LONP2: variants seen among roughly 807,000 people sequenced by gnomAD.
LONP2 encodes lon peptidase 2, peroxisomal.
LONP2 carries 60 observed loss-of-function variants against 85.6 expected under a neutral mutation model. That is an observed-to-expected ratio of 0.70 (90% CI 0.57 to 0.87). The LOEUF is 0.87. LONP2 is among the 40% of genes least tolerant of loss of function. The pLI is 0.00. For synonymous variants in LONP2, 395 were observed against 389.7 expected (o/e 1.01, Z -0.16); for missense variants, 860 against 1,063.5 (o/e 0.81, Z 2.66).
In LONP2 at chr16:48,362,764, G is replaced by C; in HGVS notation, c.*901G>C. 1 of 230,588 alleles carries C rather than the reference G, an allele frequency of 4.3e-6. No homozygotes were observed. Among genetic ancestry groups the C allele is most frequent in the African/African-American group, 2.4e-5 (1 of 42,204 alleles). 14.3% of individuals were successfully genotyped at this position (230,588 alleles called of 1,614,324 possible). On this transcript the variant is annotated 3_prime_UTR_variant, in exon 5 of 5. Coordinates refer to the LONP2 transcript ENST00000565867. This position sits in a 1 kb window ranked among gnomAD's most constrained non-coding sequence, Gnocchi z 4.2. Reference sequence around the variant, plus strand: ...AACTAAAGAAACTATACAAGGAACTGAAGTTTAATCGAATCCGTTTTGCTA... The same window carrying C: ...AACTAAAGAAACTATACAAGGAACTCAAGTTTAATCGAATCCGTTTTGCTA...
In LONP2 at chr16:48,253,341, G is replaced by A. The variant is rs182616343; in HGVS notation, c.468+976G>A. On this transcript the variant is annotated intron_variant, in intron 2 of 14. Transcript: ENST00000285737. ...AAAAATTAGCCGAGTGTGATGGTGC[G>A]TGCCTGTAGTCCCAGCTACTGGGGA... Among the ~76,000 whole-genome samples, 331 of 151,804 alleles carry A rather than the reference G, an allele frequency of 2.2e-3. 1 individual carries two copies. Among genetic ancestry groups the A allele is most frequent in the Admixed American group, 6.3e-3 (96 of 15,244 alleles).
rs903602832 is a variant in LONP2, at chr16:48,349,562, T to A, written c.2337+1272T>A. Reference sequence around the variant, plus strand: ...GAGAGACAGCCACAGCGGCCTGGGGTACACCTTCAGCTCCAGACCATTACA... The same window carrying A: ...GAGAGACAGCCACAGCGGCCTGGGGAACACCTTCAGCTCCAGACCATTACA... On this transcript the variant is annotated intron_variant, in intron 14 of 14. Coordinates refer to ENST00000285737, the MANE Select transcript of LONP2 (RefSeq NM_031490.5). Among the ~76,000 whole-genome samples, 10 of 152,054 alleles carry A rather than the reference T, an allele frequency of 6.6e-5. No homozygotes were observed. The South Asian group carries it at 2.1e-3, about 32-fold the overall frequency.
At chr16:48,287,312 A>G (rs1972465623) in intron 8 of LONP2, among the ~76,000 whole-genome samples, 1 of 152,180 alleles carries the variant, frequency 6.6e-6, no homozygotes, top group Non-Finnish European at 1.5e-5. Context: ...GAAATTTTGG[A>G]TTCTCAGGCA....
At chr16:48,290,716 A>G (rs1224093914) in intron 8 of LONP2, among the ~76,000 whole-genome samples, 1 of 152,194 alleles carries the variant, frequency 6.6e-6, no homozygotes, top group Non-Finnish European at 1.5e-5. Context: ...GTGTGCTCAA[A>G]TTCACCTTCC....
intron 1 of LONP2, among the ~76,000 whole-genome samples, chr16:48,247,811 A>G (rs1015643870): frequency 3.3e-5 from 5 of 152,116 alleles, no homozygotes; most frequent in African/African-American, 9.7e-5. Context: ...TCATTTCCTC[A>G]TAGTGCCGAC....
chr16:48,296,238 A>T, intron 9 of LONP2, 73 bp downstream of exon 9: 2 of 1,481,304 alleles, frequency 1.4e-6, no homozygotes, highest in Admixed American at 2.0e-5. Flanking sequence ...TATGCTATGG[A>T]GTTTTGACTA....
At chr16:48,360,895 A>T (rs1567365148), downstream of LONP2, 1 of 152,210 alleles carries the variant, frequency 6.6e-6, no homozygotes, top group Admixed American at 6.5e-5. Context: ...TCTGGAACTC[A>T]TGGCTTCACA....
In LONP2 at chr16:48,354,953, A is replaced by ATACTT. The variant is rs949706337; in HGVS notation, c.*3153_*3157dup. 9 of 152,232 alleles carry ATACTT rather than the reference A, an allele frequency of 5.9e-5. No individual in the cohort carries two copies. The highest frequency in any genetic ancestry group is 5.2e-4 in the Admixed American group (8 of 15,282). 9.4% of individuals were successfully genotyped at this position (152,232 alleles called of 1,614,324 possible). Reference sequence around the variant, plus strand: ...AAGGTGTTTTGTCAAACAAAAACTAATACTTTCCCTGGGAAAAAGCCATGT... The same window carrying ATACTT: ...AAGGTGTTTTGTCAAACAAAAACTAATACTTTACTTTCCCTGGGAAAAAGCCATGT... On this transcript the variant is annotated 3_prime_UTR_variant, in exon 15 of 15. Coordinates refer to ENST00000285737, the MANE Select transcript of LONP2 (RefSeq NM_031490.5).
At chr16:48,288,150 C>CTTTTTTT (rs1170612024) in intron 8 of LONP2, among the ~76,000 whole-genome samples, 12 of 121,526 alleles carry the variant, frequency 9.9e-5, no homozygotes, top group East Asian at 4.6e-4. Context: ...TAGTCTTCTT[C>CTTTTTTT]TTTTTTTTTT....
intron 11 of LONP2, among the ~76,000 whole-genome samples, chr16:48,325,280 C>T (rs1026659747): frequency 7.2e-5 from 11 of 152,204 alleles, no homozygotes; most frequent in Non-Finnish European, 1.5e-4. Context: ...CTCACCTCCT[C>T]CTGACAGGCC....
At chr16:48,286,949 T>A (rs545602487) in intron 8 of LONP2, among the ~76,000 whole-genome samples, 2 of 152,090 alleles carry the variant, frequency 1.3e-5, no homozygotes, top group South Asian at 4.1e-4. Context: ...ACCTTAAGGG[T>A]TTTTTGTTTG....
At chr16:48,330,683 G>T (rs1248619140) in intron 11 of LONP2, among the ~76,000 whole-genome samples, 1 of 152,312 alleles carries the variant, frequency 6.6e-6, no homozygotes, top group East Asian at 1.9e-4. Context: ...AGTCCAGGGG[G>T]TGACTCAGAA....
At chr16:48,334,586 T>C (rs1959581580) in intron 12 of LONP2, 1 of 666,844 alleles carries the variant, frequency 1.5e-6, no homozygotes, top group Non-Finnish European at 2.7e-6. Context: ...CTTCTTGCAG[T>C]TGTATTTCTG....
chr16:48,280,455 C>T (rs1972303105), intron 8 of LONP2, among the ~76,000 whole-genome samples: 2 of 152,154 alleles, frequency 1.3e-5, no homozygotes, highest in South Asian at 4.1e-4. Context: ...CCTATATATA[C>T]TTTGTAATGA....
intron 4 of LONP2, among the ~76,000 whole-genome samples, chr16:48,259,750 G>A (rs1971837252): frequency 6.6e-6 from 1 of 152,142 alleles, no homozygotes; most frequent in African/African-American, 2.4e-5. Context: ...AGTACTCCAG[G>A]ACACCATGCT....
chr16:48,244,375 G>A lies in LONP2; in HGVS notation c.-14G>A. ...GGCTCTTTTTGACAGCCCCCAGTGC[G>A]AAAGGCTGCCAGCATGTCATCAGTG... On this transcript the variant is annotated 5_prime_UTR_variant, in exon 1 of 15. Transcript: ENST00000285737. 2 of 1,524,436 alleles carry A rather than the reference G, an allele frequency of 1.3e-6. No homozygotes were observed. The highest frequency in any genetic ancestry group is 1.8e-6 in the Non-Finnish European group (2 of 1,138,022). The allele number at this position is 1,524,436 out of a possible 1,614,324, so 94.4% of individuals were successfully genotyped here. A position where few individuals can be genotyped will look rare whatever the true frequency, so the allele number is the denominator to read the frequency against.
At chr16:48,280,699 A>C (rs1186871894) in intron 8 of LONP2, among the ~76,000 whole-genome samples, 1 of 152,150 alleles carries the variant, frequency 6.6e-6, no homozygotes, top group Non-Finnish European at 1.5e-5. Flanking sequence ...TAAATGCTAT[A>C]AAATGAAGCA....
rs1263406499 is a variant in LONP2, at chr16:48,352,547, T to C, written c.*745T>C. 2.6e-5 allele frequency: 4 copies of C among 152,210 alleles called. No individual in the cohort carries two copies. The East Asian group carries it at 5.8e-4, about 22-fold the overall frequency. 9.4% of individuals were successfully genotyped at this position (152,210 alleles called of 1,614,324 possible). ...TTCTTGGGAAGCTGAGGCACAAGAA[T>C]TGCCTGAACCCAGGAGGTGGAGGTT... On this transcript the variant is annotated 3_prime_UTR_variant, in exon 15 of 15. Coordinates refer to ENST00000285737, the MANE Select transcript of LONP2 (RefSeq NM_031490.5).
chr16:48,245,608 C>T (rs1022261131), intron 1 of LONP2, among the ~76,000 whole-genome samples: 1 of 152,082 alleles, frequency 6.6e-6, no homozygotes, highest in Non-Finnish European at 1.5e-5. Context: ...GCCCCTCCGT[C>T]CCAGGGAAAC....
Sources: allele counts gnomAD v4.1 joint callset (sites outside exome capture counted in the v4.1 genomes callset), GRCh38; gene constraint gnomAD v4.1.1; non-coding constraint Gnocchi (gnomAD v3.1); transcripts MANE v1.5; gene names NCBI Gene and HGNC (gene_info 2026-07-23, HGNC 2026-07-21).